Variants in FLT4 observed in about 807,000 individuals in gnomAD.
FLT4 encodes fms related receptor tyrosine kinase 4.
Under a neutral mutation model 163.2 loss-of-function variants are expected in FLT4, and 30 were observed. The ratio of observed to expected loss-of-function variants is 0.18; its 90% CI spans 0.14 to 0.25. The LOEUF (loss-of-function observed/expected upper bound fraction) is 0.25, where lower values mean the gene tolerates loss of function less well. FLT4 is among the 10% of genes least tolerant of loss of function. The pLI, the probability that FLT4 is intolerant of heterozygous loss-of-function variation, is 1.00. For missense variants in FLT4, 1,510 were observed against 1,863.8 expected (o/e 0.81, Z 3.50); for synonymous variants, 884 against 789.5 (o/e 1.12, Z -2.01).
chr5:180,620,503 A>G lies in FLT4; in HGVS notation c.2406+106T>C, dbSNP rs1336563121. 1.5e-5 allele frequency: 18 copies of G among 1,188,822 alleles called. No homozygotes were observed. Among genetic ancestry groups the G allele is most frequent in the Non-Finnish European group, 2.2e-5 (18 of 807,648 alleles). 73.6% of individuals were successfully genotyped at this position (1,188,822 alleles called of 1,614,324 possible). A position where few individuals can be genotyped will look rare whatever the true frequency, so the allele number is the denominator to read the frequency against. On this transcript the variant is annotated intron_variant, in intron 16 of 29. Transcript: ENST00000261937. The surrounding 1 kb of genome is among the most constrained non-coding windows in gnomAD (Gnocchi z 4.4). ...GGGCAGGGAGGCTTCCCAGGAAACA[A>G]GGCTGCCAGGTGAACTAGGGCGGGC...
At chr5:180,632,630 G>A (rs1764273860) in intron 1 of FLT4, among the ~76,000 whole-genome samples, 2 of 144,418 alleles carry the variant, frequency 1.4e-5, no homozygotes, top group Admixed American at 1.3e-4. Flanking sequence ...GTGTGTGTGT[G>A]TGTGTGCACA....
chr5:180,641,683 G>C (rs1581710159), intron 1 of FLT4, among the ~76,000 whole-genome samples: 2 of 152,180 alleles, frequency 1.3e-5, no homozygotes, highest in East Asian at 3.8e-4. Flanking sequence ...TGCTAACCTG[G>C]CCAGCAGCCC....
At position 180,621,838 on chromosome 5, in the gene FLT4, A is replaced by G. The variant is rs2127817649; in HGVS notation, c.1724T>C (p.Leu575Pro). The change falls in exon 13 of 30, where the codon CTC becomes CCC. Residue 575 changes from leucine to proline, a missense_variant. Coordinates refer to ENST00000261937, the MANE Select transcript of FLT4 (RefSeq NM_182925.5). ...SEELLEGQPV[L>P]LSCQADSYKY... Reference sequence around the variant, plus strand: ...GTAGCTGTCGGCTTGGCAGCTCAGGAGCACCGGCTGGCCCTCTAGTAGCTC... The same window carrying G: ...GTAGCTGTCGGCTTGGCAGCTCAGGGGCACCGGCTGGCCCTCTAGTAGCTC... 1 of 1,613,298 alleles carries G rather than the reference A, an allele frequency of 6.2e-7. No homozygotes were observed. The highest frequency in any genetic ancestry group is 8.5e-7 in the Non-Finnish European group (1 of 1,179,966).
intron 29 of FLT4, among the ~76,000 whole-genome samples, chr5:180,607,013 G>A (rs556631219): frequency 6.6e-6 from 1 of 152,274 alleles, no homozygotes; most frequent in Non-Finnish European, 1.5e-5. Context: ...GGGAGGTGGA[G>A]GTTGCGGTGA....
chr5:180,640,049 C>T (rs957677024), intron 1 of FLT4, among the ~76,000 whole-genome samples: 4 of 152,340 alleles, frequency 2.6e-5, no homozygotes, highest in African/African-American at 9.6e-5. Flanking sequence ...ACCCTCCGTC[C>T]TCGGGCCACG....
chr5:180,609,109 C>T, intron 28 of FLT4, 56 bp from the exon 29 acceptor site: 1 of 1,430,366 alleles, frequency 7.0e-7, no homozygotes, highest in Non-Finnish European at 9.9e-7. Context: ...TCCTGCAGGG[C>T]AGCCACCCCC....
Position 180,630,922 on chromosome 5 carries a change from G to T in FLT4, c.156-123C>A, listed in dbSNP as rs1764071646. On this transcript the variant is annotated intron_variant, in intron 2 of 29. Coordinates refer to ENST00000261937, the MANE Select transcript of FLT4 (RefSeq NM_182925.5). This position sits in a 1 kb window ranked among gnomAD's most constrained non-coding sequence, Gnocchi z 6.3. Reference sequence around the variant, plus strand: ...TACCCAGAGCATGGAACTGCCCAGGGTTTGGGCGCACACTACAGACCGTGC... The same window carrying T: ...TACCCAGAGCATGGAACTGCCCAGGTTTTGGGCGCACACTACAGACCGTGC... The T allele has an allele frequency of 8.2e-7, 1 of 1,222,140 alleles. No homozygotes were observed. Among genetic ancestry groups the T allele is most frequent in the Non-Finnish European group, 1.1e-6 (1 of 895,914 alleles). The allele number at this position is 1,222,140 out of a possible 1,614,324, so 75.7% of individuals were successfully genotyped here.
At position 180,628,895 on chromosome 5, in the gene FLT4, GC is replaced by G. The variant is rs745693066; in HGVS notation, c.1089del (p.Glu365SerfsTer25). The G allele has an allele frequency of 6.2e-7, 1 of 1,611,104 alleles. No homozygotes were observed. On this transcript the variant is annotated frameshift_variant, in exon 8 of 30. Coordinates refer to ENST00000261937, the MANE Select transcript of FLT4 (RefSeq NM_182925.5). LOFTEE classifies it high-confidence loss of function. ...KLPVKLAAYP[P>X]PEFQWYKDGK... is the part of the protein sequence containing the mutation. Reference sequence around the variant, plus strand: ...CAGGGCTGTTACCACTGGAACTCGGGCGGGGGGTACGCTGCCAGCTTCACGG... The same window carrying G: ...CAGGGCTGTTACCACTGGAACTCGGGGGGGGGTACGCTGCCAGCTTCACGG...
chr5:180,619,191 C>T (rs1001286600), intron 19 of FLT4, 62 bp downstream of exon 19: 2 of 1,337,146 alleles, frequency 1.5e-6, no homozygotes, highest in African/African-American at 1.6e-5. Flanking sequence ...CCCGCGCCCC[C>T]TCCCGCCCGC....
At chr5:180,616,564 G>A (rs1762708333) in intron 22 of FLT4, 75 bp from the exon 23 acceptor site, 2 of 1,570,522 alleles carry the variant, frequency 1.3e-6, no homozygotes, top group South Asian at 1.1e-5. Context: ...AAACTCCAGG[G>A]TGCCCAAGCA....
intron 28 of FLT4, 170 bp from the exon 29 acceptor site, chr5:180,609,223 C>G (rs1433107812): frequency 1.8e-5 from 12 of 659,714 alleles, no homozygotes; most frequent in Non-Finnish European, 2.2e-5. Context: ...GGGTGAGGGT[C>G]ACATGCCCCT....
chr5:180,628,976 A>C lies in FLT4; in HGVS notation c.1009T>G (p.Trp337Gly). Residue 337 changes from tryptophan (W) to glycine (G), a missense_variant, in exon 8 of 30, where the codon TGG (tryptophan) becomes GGG (glycine). By Grantham distance (184) the Trp-to-Gly change is radical (BLOSUM62 -2). Transcript: ENST00000261937. ...GCCTCCAGGATGGGTCCTTTGAGCC[A>C]CTCGACGCTGATGAAGGGATTTTCT... ...VHENPFISVEWLKGPILEATA... is the reference protein window; with the variant it reads ...VHENPFISVEGLKGPILEATA... The C allele has an allele frequency of 1.9e-6, 3 of 1,612,556 alleles. No homozygotes were observed. The highest frequency in any genetic ancestry group is 2.5e-6 in the Non-Finnish European group (3 of 1,179,830).
At chr5:180,643,629 TC>T (rs1350002099) in intron 1 of FLT4, among the ~76,000 whole-genome samples, 1 of 152,040 alleles carries the variant, frequency 6.6e-6, no homozygotes, top group Non-Finnish European at 1.5e-5. Flanking sequence ...ATCTGGTGCC[TC>T]CTTGGCCTCC....
rs951905833 is a variant in FLT4, at chr5:180,602,897, T to C, written c.*295A>G. 5.1e-6 allele frequency: 3 copies of C among 586,202 alleles called. No individual in the cohort carries two copies. The African/African-American group carries it at 5.6e-5, about 11-fold the overall frequency. 36.3% of individuals were successfully genotyped at this position (586,202 alleles called of 1,614,324 possible). A position where few individuals can be genotyped will look rare whatever the true frequency, so the allele number is the denominator to read the frequency against. Reference sequence around the variant, plus strand: ...GGAGGTCGCCAAAGAGACATTCCCATGGAAGTGCTGGCCCCGGGACCAGCA... The same window carrying C: ...GGAGGTCGCCAAAGAGACATTCCCACGGAAGTGCTGGCCCCGGGACCAGCA... On this transcript the variant is annotated 3_prime_UTR_variant, in exon 30 of 30. Transcript: ENST00000261937.
chr5:180,631,890 A>C (rs1272208209), intron 1 of FLT4, 112 bp from the exon 2 acceptor site: 2 of 766,716 alleles, frequency 2.6e-6, no homozygotes, highest in Non-Finnish European at 4.5e-6. Context: ...GGGCCGGAGC[A>C]GCTCAGGTTC....
At chr5:180,624,646 C>T (rs987362054) in intron 10 of FLT4, among the ~76,000 whole-genome samples, 3 of 152,264 alleles carry the variant, frequency 2.0e-5, no homozygotes, top group Admixed American at 6.5e-5. Context: ...CACTCTGTCC[C>T]GCTTCTCTGT....
chr5:180,627,477 C>A (rs1366536537), intron 8 of FLT4, among the ~76,000 whole-genome samples: 1 of 152,190 alleles, frequency 6.6e-6, no homozygotes, highest in Non-Finnish European at 1.5e-5. Context: ...TGAGGTTTAA[C>A]CCGGACAGTG....
chr5:180,630,471 C>T lies in FLT4; in HGVS notation c.400+84G>A. 1 of 1,595,236 alleles carries T rather than the reference C, an allele frequency of 6.3e-7. No individual in the cohort carries two copies. ...GTAGGGCCCCGTTCTCTCCTCCTGC[C>T]AGCCCAGGGTCCACAGGCTGGGGGC... On this transcript the variant is annotated intron_variant, in intron 3 of 29. Transcript: ENST00000261937. The surrounding 1 kb of genome is among the most constrained non-coding windows in gnomAD (Gnocchi z 6.3).
In FLT4 at chr5:180,620,733, G is replaced by A. The variant is rs765075751; in HGVS notation, c.2300-18C>T. On this transcript the variant is annotated intron_variant, in intron 15 of 29. Transcript: ENST00000261937. This position sits in a 1 kb window ranked among gnomAD's most constrained non-coding sequence, Gnocchi z 4.4. ...CTCGGAGCCTGCGTGGGCAGAAAGG[G>A]GCCGGCGTGTGTGTGTGTGTGTGTA... The A allele has an allele frequency of 3.8e-6, 6 of 1,598,654 alleles. No individual in the cohort carries two copies. The highest frequency in any genetic ancestry group is 2.2e-5 in the South Asian group (2 of 90,652).
Sources: allele counts gnomAD v4.1 joint callset (sites outside exome capture counted in the v4.1 genomes callset), GRCh38; gene constraint gnomAD v4.1.1; non-coding constraint Gnocchi (gnomAD v3.1); transcripts MANE v1.5; gene names NCBI Gene and HGNC (gene_info 2026-07-23, HGNC 2026-07-21).